KLRF1: variants seen among roughly 807,000 people sequenced by gnomAD.
KLRF1 encodes killer cell lectin like receptor F1.
In KLRF1, 27 loss-of-function variants were observed where a neutral mutation model predicts 30.7. The observed-to-expected ratio is 0.88, with a 90% CI of 0.65 to 1.21. KLRF1 has a LOEUF of 1.21. Ranked by LOEUF, KLRF1 falls within the 50% of genes most tolerant of loss-of-function variation. The pLI is 0.00. For synonymous variants in KLRF1, 92 were observed against 89.3 expected, an observed-to-expected ratio of 1.03 and a Z score of -0.17; for missense variants, 246 against 259.3, an observed-to-expected ratio of 0.95 and a Z score of 0.35.
At chr12:9,802,795 C>G in the KLRF1 span, among the ~76,000 whole-genome samples, 1 of 151,986 alleles carries the variant, frequency 6.6e-6, no homozygotes, top group Non-Finnish European at 1.5e-5. Context: ...CAAAGCACTG[C>G]TCAAGGAAAT....
intron 1 of KLRF1, among the ~76,000 whole-genome samples, chr12:9,831,045 A>G (rs940213417): frequency 6.6e-6 from 1 of 152,008 alleles, no homozygotes; most frequent in Non-Finnish European, 1.5e-5. Context: ...ATCTCAGCTC[A>G]CTACAACCTG....
In KLRF1 at chr12:9,833,344, T is replaced by C; in HGVS notation, c.226T>C (p.Ser76Pro). 6.2e-7 allele frequency: 1 copy of C among 1,607,316 alleles called. No homozygotes were observed. The highest frequency in any genetic ancestry group is 8.5e-7 in the Non-Finnish European group (1 of 1,177,274). Residue 76 changes from serine (S) to proline (P), a missense_variant, in exon 3 of 6, where the codon TCA becomes CCA. Coordinates refer to ENST00000617889, the MANE Select transcript of KLRF1 (RefSeq NM_016523.3). ...GCTAAAATGCCAAAAAGGAAGTTGT[T>C]CAAATGCCACTCAGTATGAGGACAC... ...VLLKCQKGSC[S>P]NATQYEDTGD... is the part of the protein sequence containing the mutation.
the KLRF1 span, among the ~76,000 whole-genome samples, chr12:9,811,253 A>C: frequency 6.7e-6 from 1 of 149,904 alleles, no homozygotes; most frequent in African/African-American, 2.5e-5. Context: ...CAAAGGAGAC[A>C]TCACACATCA....
the KLRF1 span, among the ~76,000 whole-genome samples, chr12:9,810,374 G>A: frequency 2.6e-5 from 4 of 152,142 alleles, no homozygotes; most frequent in Non-Finnish European, 1.5e-5. Flanking sequence ...CTTATCTTTT[G>A]TGTGTCCTTT....
the KLRF1 span, among the ~76,000 whole-genome samples, chr12:9,818,613 AT>A: frequency 6.6e-6 from 1 of 152,204 alleles, no homozygotes; most frequent in Non-Finnish European, 1.5e-5. Context: ...CTAGTCCAAG[AT>A]TAAAGAGACT....
intron 1 of KLRF1, 77 bp from the exon 2 acceptor site, chr12:9,832,239 C>T (rs1867445047): frequency 2.6e-6 from 2 of 772,312 alleles, no homozygotes; most frequent in South Asian, 1.7e-5. Flanking sequence ...TTTATACAAT[C>T]CTATTATTAC....
At chr12:9,819,619 G>A in the KLRF1 span, among the ~76,000 whole-genome samples, 1 of 152,098 alleles carries the variant, frequency 6.6e-6, no homozygotes, top group Non-Finnish European at 1.5e-5. Flanking sequence ...ACCTCCACAA[G>A]TGTTTTTGAG....
chr12:9,825,038 AT>A (rs1411824275), upstream of KLRF1, among the ~76,000 whole-genome samples: 7 of 152,304 alleles, frequency 4.6e-5, no homozygotes, highest in East Asian at 1.3e-3. Flanking sequence ...AAATGGTCAT[AT>A]TGCCCAAAGC....
the KLRF1 span, among the ~76,000 whole-genome samples, chr12:9,801,457 C>A: frequency 6.6e-6 from 1 of 151,974 alleles, no homozygotes; most frequent in Non-Finnish European, 1.5e-5. Context: ...AATTTACATT[C>A]CCACCAAGAG....
chr12:9,841,990 T>G (rs1044191505), intron 4 of KLRF1, 39 bp downstream of exon 4: 1 of 1,562,110 alleles, frequency 6.4e-7, no homozygotes, highest in African/African-American at 1.4e-5. Context: ...ATCTTTGCAG[T>G]AAAAAATGGC....
At chr12:9,803,853 G>T in the KLRF1 span, among the ~76,000 whole-genome samples, 1 of 152,122 alleles carries the variant, frequency 6.6e-6, no homozygotes, top group South Asian at 2.1e-4. Context: ...TTTATACTAA[G>T]TCTTGAAGTC....
chr12:9,820,613 C>G, the KLRF1 span, among the ~76,000 whole-genome samples: 1 of 152,130 alleles, frequency 6.6e-6, no homozygotes, highest in Non-Finnish European at 1.5e-5. Flanking sequence ...GACTGTTCTC[C>G]ACACACATGC....
intron 4 of KLRF1, 74 bp from the exon 5 acceptor site, chr12:9,842,247 A>G: frequency 3.2e-6 from 5 of 1,551,184 alleles, no homozygotes; most frequent in South Asian, 1.2e-5. Context: ...CTTTTTTGCA[A>G]TAACATTTAA....
the KLRF1 span, among the ~76,000 whole-genome samples, chr12:9,811,969 A>G: frequency 6.6e-6 from 1 of 152,222 alleles, no homozygotes; most frequent in Non-Finnish European, 1.5e-5. Flanking sequence ...TCTTTACCTC[A>G]AAAGGTGAAC....
chr12:9,831,830 G>C (rs1867434303), intron 1 of KLRF1, among the ~76,000 whole-genome samples: 1 of 152,080 alleles, frequency 6.6e-6, no homozygotes, highest in Admixed American at 6.5e-5. Context: ...AAGGATTTTA[G>C]GGTTTTTTTG....
At chr12:9,801,748 G>A in the KLRF1 span, among the ~76,000 whole-genome samples, 12 of 152,126 alleles carry the variant, frequency 7.9e-5, no homozygotes, top group Middle Eastern at 6.8e-3. Context: ...ATGGATATTA[G>A]ACCTTTATCA....
At chr12:9,839,072 C>A (rs1402568653) in intron 3 of KLRF1, among the ~76,000 whole-genome samples, 1 of 151,484 alleles carries the variant, frequency 6.6e-6, no homozygotes, top group Non-Finnish European at 1.5e-5. Context: ...GTTTGGGGTG[C>A]CACAGCTAAT....
At chr12:9,829,652 C>G (rs1867366960) in intron 1 of KLRF1, among the ~76,000 whole-genome samples, 1 of 152,150 alleles carries the variant, frequency 6.6e-6, no homozygotes, top group Admixed American at 6.5e-5. Flanking sequence ...CCTAGCTACA[C>G]AGGGTGCTCA....
chr12:9,837,807 T>C (rs1242345416), intron 3 of KLRF1, among the ~76,000 whole-genome samples: 1 of 152,150 alleles, frequency 6.6e-6, no homozygotes, highest in Admixed American at 6.6e-5. Context: ...TGCTCTGGAT[T>C]TCATAGAAAC....
Sources: allele counts gnomAD v4.1 joint callset (sites outside exome capture counted in the v4.1 genomes callset), GRCh38; gene constraint gnomAD v4.1.1; transcripts MANE v1.5; gene names NCBI Gene and HGNC (gene_info 2026-07-23, HGNC 2026-07-21).